Variants in MMP28 observed in about 807,000 individuals in gnomAD.
MMP28 encodes the protein matrix metalloproteinase-28.
In MMP28, 55 loss-of-function variants were observed where a neutral mutation model predicts 60.5. That is an observed-to-expected ratio of 0.91 (90% confidence interval 0.73 to 1.14). The LOEUF is 1.14. Ranked by LOEUF, MMP28 falls within the 50% of genes most tolerant of loss-of-function variation. The pLI, the probability that MMP28 is intolerant of heterozygous loss-of-function variation, is 0.00. For synonymous variants in MMP28, 318 were observed against 312.5 expected, an observed-to-expected ratio of 1.02 and a Z score of -0.18; for missense variants, 686 against 738.3, an observed-to-expected ratio of 0.93 and a Z score of 0.82.
chr17:35,795,274 T>A lies in MMP28; in HGVS notation c.104A>T (p.Glu35Val). Residue 35 changes from glutamate to valine, a missense_variant, in exon 1 of 8, where the codon GAG (glutamate) becomes GTG (valine). Transcript: ENST00000605424. The part of the protein sequence containing the change: ...AERGGQELRK[E>V]AEAFLEKYGY... Reference sequence around the variant, plus strand: ...CAGGTACACACGGCGTACCTCCGCCTCCTTGCGCAGCTCCTGGCCTCCGCG... The same window carrying A: ...CAGGTACACACGGCGTACCTCCGCCACCTTGCGCAGCTCCTGGCCTCCGCG... 10 of 1,443,024 alleles carry A rather than the reference T, an allele frequency of 6.9e-6. No homozygotes were observed. Among genetic ancestry groups the A allele is most frequent in the Non-Finnish European group, 8.2e-6 (9 of 1,096,746 alleles). The allele number at this position is 1,443,024 out of a possible 1,614,324, so 89.4% of individuals were successfully genotyped here. A position where few individuals can be genotyped will look rare whatever the true frequency, so the allele number is the denominator to read the frequency against.
At chr17:35,774,687 A>T (rs1568162061) in intron 3 of MMP28, among the ~76,000 whole-genome samples, 1 of 152,158 alleles carries the variant, frequency 6.6e-6, no homozygotes, top group African/African-American at 2.4e-5. Context: ...GCTCCATTCA[A>T]GGCAATGCCG....
chr17:35,793,724 G>A (rs895735395), intron 1 of MMP28, among the ~76,000 whole-genome samples: 1 of 152,152 alleles, frequency 6.6e-6, no homozygotes, highest in East Asian at 1.9e-4. Context: ...AGCTCTCAAC[G>A]GGCAGTTTGA....
At chr17:35,770,374 C>G (rs1555605186) in intron 4 of MMP28, 62 bp from the exon 5 acceptor site, 1 of 1,442,992 alleles carries the variant, frequency 6.9e-7, no homozygotes, top group African/African-American at 1.4e-5. Context: ...GTACTCGCGG[C>G]CCAGCGCAAA....
chr17:35,758,969 G>A (rs1056988581), intron 2 of MMP28, among the ~76,000 whole-genome samples: 2 of 152,198 alleles, frequency 1.3e-5, no homozygotes, highest in East Asian at 1.9e-4. Context: ...TGGTTTAGAT[G>A]TGCCTGCCAG....
At chr17:35,770,397 G>GT in intron 4 of MMP28, 85 bp from the exon 5 acceptor site, 1 of 1,404,434 alleles carries the variant, frequency 7.1e-7, no homozygotes, top group South Asian at 1.5e-5. Flanking sequence ...CCACTGGGGT[G>GT]TGTGTGGCTG....
chr17:35,794,097 C>CAAAACA (rs949989143), intron 1 of MMP28, among the ~76,000 whole-genome samples: 1 of 151,688 alleles, frequency 6.6e-6, no homozygotes, highest in African/African-American at 2.4e-5. Flanking sequence ...GACTCTGTCT[C>CAAAACA]AAAACAAAAA....
downstream of MMP28, among the ~76,000 whole-genome samples, chr17:35,765,668 T>TC (rs2085919769): frequency 6.6e-6 from 1 of 152,216 alleles, no homozygotes; most frequent in Non-Finnish European, 1.5e-5. Context: ...CACATCATTC[T>TC]CCATCTGGCC....
chr17:35,766,480 T>A lies in MMP28; in HGVS notation c.*20A>T. The A allele has an allele frequency of 6.4e-7, 1 of 1,559,326 alleles. No individual in the cohort carries two copies. The highest frequency in any genetic ancestry group is 1.7e-5 in the Admixed American group (1 of 57,278). Reference sequence around the variant, plus strand: ...TTTTGCCCTGAGAGCACCACCAGTTTCTGAGGTGAGGAGGTGCCTTCAGAA... The same window carrying A: ...TTTTGCCCTGAGAGCACCACCAGTTACTGAGGTGAGGAGGTGCCTTCAGAA... On this transcript the variant is annotated 3_prime_UTR_variant, in exon 8 of 8. Transcript: ENST00000605424. This position sits in a 1 kb window ranked among gnomAD's most constrained non-coding sequence, Gnocchi z 4.3.
chr17:35,760,838 G>A, intron 2 of MMP28: 1 of 1,392,350 alleles, frequency 7.2e-7, no homozygotes, highest in Non-Finnish European at 1.0e-6. Context: ...CACCCCTTGT[G>A]ACCTAATAGA....
At chr17:35,773,873 C>G (rs945115792) in intron 3 of MMP28, among the ~76,000 whole-genome samples, 20 of 152,320 alleles carry the variant, frequency 1.3e-4, no homozygotes, top group African/African-American at 4.6e-4. Context: ...GTGACTCCCC[C>G]TGCCCCCCAC....
intron 2 of MMP28, chr17:35,757,073 C>T (rs1029589386): frequency 5.9e-5 from 9 of 151,886 alleles, no homozygotes; most frequent in African/African-American, 2.2e-4. Context: ...TGGCAGGTGC[C>T]TGTAATCCCA....
chr17:35,764,119 G>A (rs782590163), downstream of MMP28: 8 of 1,549,934 alleles, frequency 5.2e-6, no homozygotes, highest in Non-Finnish European at 7.0e-6. Context: ...ACCAGAGGCC[G>A]CTGGAGGACA....
At chr17:35,763,051 G>A (rs2085854266), downstream of MMP28, among the ~76,000 whole-genome samples, 1 of 151,578 alleles carries the variant, frequency 6.6e-6, no homozygotes. Context: ...GAACCCGGCA[G>A]GTGGAGCTTG....
At chr17:35,763,610 T>C (rs1272156066), downstream of MMP28, among the ~76,000 whole-genome samples, 3 of 151,386 alleles carry the variant, frequency 2.0e-5, no homozygotes, top group Non-Finnish European at 4.4e-5. Flanking sequence ...TGAAAAAGTA[T>C]CCAGGGCCGG....
downstream of MMP28, chr17:35,761,099 ATTTTTTTTTT>A: frequency 7.9e-6 from 4 of 505,698 alleles, no homozygotes; most frequent in Non-Finnish European, 9.5e-6. Context: ...GCCTTCCTGA[ATTTTTTTTTT>A]TTTTTTTTTT....
chr17:35,769,645 G>A (rs1373390450), intron 5 of MMP28, among the ~76,000 whole-genome samples: 3 of 152,066 alleles, frequency 2.0e-5, no homozygotes, highest in African/African-American at 4.8e-5. Flanking sequence ...AGAAAGGCTC[G>A]GGGAGAGCTA....
At chr17:35,757,760 TG>T (rs1324809565) in intron 2 of MMP28, among the ~76,000 whole-genome samples, 2 of 152,172 alleles carry the variant, frequency 1.3e-5, no homozygotes, top group African/African-American at 4.8e-5. Flanking sequence ...ACTGGATTAT[TG>T]TTCTTTGTTG....
intron 4 of MMP28, 28 bp downstream of exon 4, chr17:35,773,152 G>A (rs1242471463): frequency 1.2e-6 from 2 of 1,601,968 alleles, no homozygotes; most frequent in East Asian, 2.2e-5. Flanking sequence ...CCCTCCTGCT[G>A]TGCGGGAGGG....
chr17:35,778,860 GGCCTAGCCGGATTTTAACAGT>G lies in MMP28; in HGVS notation c.379+7_379+27del. On this transcript the variant is annotated splice_region_variant and intron_variant, in intron 3 of 7. Coordinates refer to ENST00000605424, the MANE Select transcript of MMP28 (RefSeq NM_024302.5). Reference sequence around the variant, plus strand: ...TGGCTTCAAGACATTGGGAAATCTTGGCCTAGCCGGATTTTAACAGTGCTCACCTTGCTTTGCAAAGCGTTT... The same window carrying G: ...TGGCTTCAAGACATTGGGAAATCTTGGCTCACCTTGCTTTGCAAAGCGTTT... 6.2e-7 allele frequency: 1 copy of G among 1,614,016 alleles called. No homozygotes were observed. The highest frequency in any genetic ancestry group is 8.5e-7 in the Non-Finnish European group (1 of 1,179,892).
Sources: gnomAD v4.1 joint callset for allele counts (sites outside exome capture counted in the v4.1 genomes callset) on GRCh38, gnomAD v4.1.1 for gene constraint, Gnocchi (gnomAD v3.1) non-coding constraint, MANE v1.5 for transcripts, NCBI Gene and HGNC (gene_info 2026-07-23, HGNC 2026-07-21) for gene names.